ZNF277: variants seen among roughly 807,000 people sequenced by gnomAD.
ZNF277 encodes zinc finger protein 277.
ZNF277 carries 55 observed loss-of-function variants against 60.7 expected under a neutral mutation model. The observed-to-expected ratio is 0.91, with a 90% CI of 0.73 to 1.13. The LOEUF is 1.13. Among genes scored for constraint, ZNF277 ranks in the 50% most tolerant of loss-of-function variants. The pLI is 0.00. For missense variants in ZNF277, 510 were observed against 523.0 expected, an observed-to-expected ratio of 0.98 and a Z score of 0.24; for synonymous variants, 178 against 179.3, an observed-to-expected ratio of 0.99 and a Z score of 0.06.
chr7:112,282,282 T>C (rs116347935), intron 1 of ZNF277, among the ~76,000 whole-genome samples: 2,609 of 152,340 alleles, frequency 0.017, 77 homozygotes, highest in African/African-American at 0.06. Flanking sequence ...CAGGAGAACC[T>C]GGAGAAGGGC....
chr7:112,269,363 C>A (rs866524224), intron 1 of ZNF277, among the ~76,000 whole-genome samples: 1 of 151,948 alleles, frequency 6.6e-6, no homozygotes, highest in Non-Finnish European at 1.5e-5. Context: ...ATATGTTTAT[C>A]TCACTGTATG....
At chr7:112,243,050 G>T (rs1308520045) in intron 1 of ZNF277, among the ~76,000 whole-genome samples, 1 of 151,930 alleles carries the variant, frequency 6.6e-6, no homozygotes, top group Non-Finnish European at 1.5e-5. Flanking sequence ...CTTTGACAAA[G>T]TTGACAAAAA....
chr7:112,301,258 C>A (rs1483222568), intron 4 of ZNF277, among the ~76,000 whole-genome samples: 1 of 152,054 alleles, frequency 6.6e-6, no homozygotes, highest in Non-Finnish European at 1.5e-5. Context: ...CTACCTCAGC[C>A]TCCTAAGGTG....
rs1367974752 is a variant in ZNF277 at position 112,337,710 on chromosome 7, TCTC to T, written c.870-16_870-14del. 1 of 1,603,530 alleles carries T rather than the reference TCTC, an allele frequency of 6.2e-7. No homozygotes were observed. The highest frequency in any genetic ancestry group is 1.1e-5 in the South Asian group (1 of 90,792). On this transcript the variant is annotated splice_polypyrimidine_tract_variant and intron_variant, in intron 8 of 11. Coordinates refer to ENST00000361822, the MANE Select transcript of ZNF277 (RefSeq NM_021994.3). ...TAATGAAGGGAATCTCCGTATTTTC[TCTC>T]CTCTTTTTTAATTCAGTGACTGGTC...
intron 1 of ZNF277, among the ~76,000 whole-genome samples, chr7:112,228,082 C>T (rs4464880): frequency 0.79 from 119,969 of 151,802 alleles, 47,563 homozygotes; most frequent in Middle Eastern, 0.84. Flanking sequence ...TTCCTTTCCT[C>T]TTCCAGCTTC....
At chr7:112,206,959 G>T (rs1587069100) in intron 1 of ZNF277, 152 bp downstream of exon 1, 2 of 686,346 alleles carry the variant, frequency 2.9e-6, no homozygotes, top group East Asian at 3.3e-5. Context: ...AGCGGGATGG[G>T]TTGGAGCCGG....
At chr7:112,337,454 C>T (rs900226995) in intron 8 of ZNF277, among the ~76,000 whole-genome samples, 2 of 152,290 alleles carry the variant, frequency 1.3e-5, no homozygotes, top group East Asian at 3.9e-4. Context: ...CGACATTCCT[C>T]TGACTGTAGA....
At chr7:112,342,439 C>A (rs1793461683) in intron 11 of ZNF277, 122 bp from the exon 12 acceptor site, 3 of 815,306 alleles carry the variant, frequency 3.7e-6, no homozygotes, top group Admixed American at 3.6e-5. Flanking sequence ...ATAGCCTTTG[C>A]AAAATGCTAT....
chr7:112,278,968 C>T (rs1016940978), intron 1 of ZNF277, among the ~76,000 whole-genome samples: 4 of 152,142 alleles, frequency 2.6e-5, no homozygotes, highest in Non-Finnish European at 5.9e-5. Context: ...GACTACATAC[C>T]TCATATAAGT....
chr7:112,275,539 T>C (rs1263395811), intron 1 of ZNF277, among the ~76,000 whole-genome samples: 1 of 152,188 alleles, frequency 6.6e-6, no homozygotes, highest in Non-Finnish European at 1.5e-5. Flanking sequence ...TACTTGACCA[T>C]ATATGTTTTA....
intron 5 of ZNF277, among the ~76,000 whole-genome samples, chr7:112,318,643 A>G (rs1053364395): frequency 2.6e-5 from 4 of 152,128 alleles, no homozygotes; most frequent in Non-Finnish European, 5.9e-5. Context: ...CATAAAAAAG[A>G]AGTGGGGGCA....
In ZNF277 at chr7:112,287,176, C is replaced by T. The variant is rs542096455; in HGVS notation, c.293+102C>T. The T allele has an allele frequency of 4.8e-4, 580 of 1,213,632 alleles. 9 individuals are homozygous for T. The South Asian group carries it at 7.1e-3, about 15-fold the overall frequency. The allele number at this position is 1,213,632 out of a possible 1,614,324, so 75.2% of individuals were successfully genotyped here. A position where few individuals can be genotyped will look rare whatever the true frequency, so the allele number is the denominator to read the frequency against. ...GGGAGGCCAAAGTGGGAGGATCACCCGAGGCCAGTAGTAGTTCAAGATGCC... is the reference window on the plus strand; with the variant it reads ...GGGAGGCCAAAGTGGGAGGATCACCTGAGGCCAGTAGTAGTTCAAGATGCC... On this transcript the variant is annotated intron_variant, in intron 2 of 11. Coordinates refer to ENST00000361822, the MANE Select transcript of ZNF277 (RefSeq NM_021994.3).
At chr7:112,216,250 C>T (rs1043683960) in intron 1 of ZNF277, among the ~76,000 whole-genome samples, 6 of 152,302 alleles carry the variant, frequency 3.9e-5, no homozygotes, top group African/African-American at 1.2e-4. Context: ...TACAGCTTTG[C>T]AAAAAGCTCA....
intron 7 of ZNF277, among the ~76,000 whole-genome samples, chr7:112,331,128 C>A (rs1793221819): frequency 6.6e-6 from 1 of 151,964 alleles, no homozygotes; most frequent in Admixed American, 6.6e-5. Flanking sequence ...ACCAGGTTAC[C>A]ATGCCAAGCA....
chr7:112,266,207 G>T (rs533464710), intron 1 of ZNF277, among the ~76,000 whole-genome samples: 59 of 151,940 alleles, frequency 3.9e-4, no homozygotes, highest in South Asian at 8.3e-4. Flanking sequence ...GTGTAGTGGC[G>T]CTATCTGGGC....
chr7:112,323,590 G>A (rs1793034817), intron 5 of ZNF277, among the ~76,000 whole-genome samples: 1 of 152,224 alleles, frequency 6.6e-6, no homozygotes, highest in Admixed American at 6.5e-5. Flanking sequence ...AAGGGGAGGA[G>A]AATGGAATGG....
intron 1 of ZNF277, 46 bp downstream of exon 1, chr7:112,206,853 C>T (rs201693300): frequency 5.7e-5 from 90 of 1,587,122 alleles, no homozygotes; most frequent in Middle Eastern, 1.7e-4. Flanking sequence ...CTTCCTTTCT[C>T]TATGACCGGG....
chr7:112,299,368 G>C (rs1792422623), intron 4 of ZNF277, among the ~76,000 whole-genome samples: 1 of 152,118 alleles, frequency 6.6e-6, no homozygotes, highest in Admixed American at 6.6e-5. Flanking sequence ...GAAAATAATA[G>C]TACTAAATGG....
At chr7:112,287,157 CCAAAG>C in intron 2 of ZNF277, 83 bp downstream of exon 2, 1 of 1,449,782 alleles carries the variant, frequency 6.9e-7, no homozygotes, top group Non-Finnish European at 9.5e-7. Flanking sequence ...CTTTGGGAGG[CCAAAG>C]TGGGAGGATC....
Sources: gnomAD v4.1 joint callset for allele counts (sites outside exome capture counted in the v4.1 genomes callset) on GRCh38, gnomAD v4.1.1 for gene constraint, MANE v1.5 for transcripts, NCBI Gene and HGNC (gene_info 2026-07-23, HGNC 2026-07-21) for gene names.